Variants in NAV3 observed in about 807,000 individuals in gnomAD.
The protein encoded by NAV3 is neuron navigator 3.
In NAV3, 87 loss-of-function variants were observed where a neutral mutation model predicts 244.7. The ratio of observed to expected loss-of-function variants is 0.36; its 90% CI spans 0.30 to 0.42. NAV3 has a LOEUF of 0.42. Ranked by LOEUF, NAV3 falls within the 20% of genes least tolerant of loss-of-function variation. The probability of loss-of-function intolerance (pLI) is 1.00; values close to 1 mark genes in which losing one functional copy is unlikely to be tolerated. For missense variants in NAV3, 2,663 were observed against 2,893.3 expected, an observed-to-expected ratio of 0.92 and a Z score of 1.83; for synonymous variants, 1,126 against 1,042.2, an observed-to-expected ratio of 1.08 and a Z score of -1.55.
In NAV3 at chr12:77,738,392, A is replaced by G. The variant is rs1025487986; in HGVS notation, c.72+166126A>G. On this transcript the variant is annotated intron_variant, in intron 2 of 8. Coordinates refer to the NAV3 transcript ENST00000550042. ...CAGGGTTATAGGAGACACTAGATGT[A>G]AAGCACACAGAACAATAGCAGCCAG... Among the ~76,000 whole-genome samples the G allele has an allele frequency of 4.6e-5, 7 of 152,228 alleles. No individual in the cohort carries two copies. In the South Asian group the frequency reaches 1.4e-3, roughly 32 times the overall value.
chr12:77,744,604 C>A (rs1244489312), intron 2 of NAV3, among the ~76,000 whole-genome samples: 2 of 151,838 alleles, frequency 1.3e-5, no homozygotes, highest in Non-Finnish European at 2.9e-5. Context: ...TCATGTTTTA[C>A]AAACTTCTTT....
At chr12:78,137,794 A>C (rs1162452111) in intron 19 of NAV3, among the ~76,000 whole-genome samples, 1 of 152,116 alleles carries the variant, frequency 6.6e-6, no homozygotes, top group Non-Finnish European at 1.5e-5. Flanking sequence ...CTAATTTTTT[A>C]TTATATCATT....
chr12:77,701,102 T>C (rs1303468177), intron 2 of NAV3, among the ~76,000 whole-genome samples: 2 of 151,940 alleles, frequency 1.3e-5, no homozygotes, highest in Non-Finnish European at 2.9e-5. Context: ...CCTGCTTCTC[T>C]GTTTCTAAAA....
chr12:77,928,498 C>T (rs1250105472), intron 1 of NAV3, among the ~76,000 whole-genome samples: 27 of 152,084 alleles, frequency 1.8e-4, no homozygotes, highest in Admixed American at 1.8e-3. Flanking sequence ...CCCCCTCCCT[C>T]CCTTCCTCAT....
chr12:77,742,942 C>A (rs926707981), intron 2 of NAV3, among the ~76,000 whole-genome samples: 1 of 151,888 alleles, frequency 6.6e-6, no homozygotes, highest in African/African-American at 2.4e-5. Flanking sequence ...ATACTGTAAA[C>A]CTGAATAATA....
chr12:78,103,808 C>T (rs1000280528), intron 12 of NAV3, among the ~76,000 whole-genome samples: 5 of 152,142 alleles, frequency 3.3e-5, no homozygotes, highest in Admixed American at 3.3e-4. Flanking sequence ...GTGATACCAC[C>T]CCCATGATTC....
At chr12:77,925,858 T>G (rs1048036693) in intron 1 of NAV3, among the ~76,000 whole-genome samples, 6 of 152,134 alleles carry the variant, frequency 3.9e-5, no homozygotes, top group Non-Finnish European at 8.8e-5. Context: ...CTCACCAATA[T>G]GTTTTGCTAT....
chr12:78,076,433 C>A (rs17223304), intron 12 of NAV3, among the ~76,000 whole-genome samples: 14,420 of 152,122 alleles, frequency 0.095, 880 homozygotes, highest in South Asian at 0.2. Context: ...TCTGTCTTTT[C>A]CAGAAACCTA....
chr12:78,056,758 G>A (rs1883574338), intron 11 of NAV3, among the ~76,000 whole-genome samples: 1 of 152,058 alleles, frequency 6.6e-6, no homozygotes, highest in Non-Finnish European at 1.5e-5. Flanking sequence ...TACGAGTCAT[G>A]AAAAAGTTGA....
chr12:78,200,736 G>T, intron 38 of NAV3, 145 bp downstream of exon 38: 1 of 420,872 alleles, frequency 2.4e-6, no homozygotes, highest in Non-Finnish European at 4.1e-6. Flanking sequence ...GTTTTCAAGA[G>T]CAAATAGTTT....
Position 77,986,654 on chromosome 12 carries a change from C to A in NAV3, c.672-8149C>A, listed in dbSNP as rs1051541258. Among the ~76,000 whole-genome samples, 6 of 152,158 alleles carry A rather than the reference C, an allele frequency of 3.9e-5. No homozygotes were observed. The East Asian group carries it at 1.2e-3, about 29-fold the overall frequency. On this transcript the variant is annotated intron_variant, in intron 5 of 39. Coordinates refer to ENST00000397909, the MANE Select transcript of NAV3 (RefSeq NM_001024383.2). ...GGTCATATATACATATATATGACCACATTTTGCATGGAAGTCTGCTGTTAA... is the reference window on the plus strand; with the variant it reads ...GGTCATATATACATATATATGACCAAATTTTGCATGGAAGTCTGCTGTTAA...
In NAV3 at chr12:77,782,917, T is replaced by C. The variant is rs143396139; in HGVS notation, c.73-157402T>C. 7.7e-4 allele frequency among the ~76,000 whole-genome samples: 117 copies of C among 152,286 alleles called. 1 individual carries two copies. Among genetic ancestry groups the C allele is most frequent in the African/African-American group, 2.7e-3 (113 of 41,574 alleles). On this transcript the variant is annotated intron_variant, in intron 2 of 8. Coordinates refer to the NAV3 transcript ENST00000550042. ...CCTCTTAGTGTGAAAATTGAACATA[T>C]GCTGATGCAATGTCACAGGCTGTGT...
In NAV3 at chr12:78,210,523, G is replaced by C. The variant is rs769850519; in HGVS notation, c.*6G>C. On this transcript the variant is annotated 3_prime_UTR_variant, in exon 40 of 40. Transcript: ENST00000397909. ...CTCTTGAATCTACCCTCTAGAGGGT[G>C]AAAAAAGTTAAGGGAAAAGACTTTG... 3.7e-6 allele frequency: 6 copies of C among 1,606,256 alleles called. No individual in the cohort carries two copies. The highest frequency in any genetic ancestry group is 5.1e-6 in the Non-Finnish European group (6 of 1,177,628).
At position 77,843,435 on chromosome 12, in the gene NAV3, T is replaced by C. The variant is rs996052140; in HGVS notation, c.243+11731T>C. The stretch of plus-strand genomic sequence containing the variant: ...TGTGTGTGTGTTTGTGTGTGTATCT[T>C]ATAGGCATTATAGAAAATATACTTA... On this transcript the variant is annotated intron_variant, in intron 1 of 39. Coordinates refer to ENST00000397909, the MANE Select transcript of NAV3 (RefSeq NM_001024383.2). Among the ~76,000 whole-genome samples, 12 of 151,868 alleles carry C rather than the reference T, an allele frequency of 7.9e-5. 1 individual carries two copies. The highest frequency in any genetic ancestry group is 2.9e-4 in the African/African-American group (12 of 41,360).
chr12:78,106,258 C>T (rs1393226033), intron 12 of NAV3, among the ~76,000 whole-genome samples: 2 of 151,910 alleles, frequency 1.3e-5, no homozygotes, highest in Non-Finnish European at 2.9e-5. Context: ...ATTCAAAATT[C>T]CATTTTATTT....
At position 78,006,838 on chromosome 12, in the gene NAV3, G is replaced by A. The variant is rs2136573115; in HGVS notation, c.1300G>A (p.Gly434Ser). Residue 434 changes from glycine (G) to serine (S), a missense_variant, in exon 8 of 40, where the codon GGC (glycine) becomes AGC (serine). By Grantham distance (56) the Gly-to-Ser change is moderately conservative. Around this residue, in one of 6 missense-constraint regions of NAV3, gnomAD observed 1,521 missense variants for 1,497.0 expected, o/e 1.02. Transcript: ENST00000397909. ...TTTTAACAGTGGTCTGAATAGTGGT[G>A]GCTCAACAAATAGCAGTCCCAAAGT... The part of the protein sequence containing the change: ...EGFNSGLNSG[G>S]STNSSPKVSP... 1 of 1,614,078 alleles carries A rather than the reference G, an allele frequency of 6.2e-7. No homozygotes were observed. The highest frequency in any genetic ancestry group is 8.5e-7 in the Non-Finnish European group (1 of 1,180,038).
chr12:78,154,281 A>ATAAT (rs1302516722), intron 22 of NAV3, among the ~76,000 whole-genome samples: 1 of 110,538 alleles, frequency 9.0e-6, no homozygotes, highest in Non-Finnish European at 1.9e-5. Flanking sequence ...ATATTACTAT[A>ATAAT]TATACTACTA....
chr12:77,938,235 T>C (rs1195689603), intron 1 of NAV3, among the ~76,000 whole-genome samples: 2 of 152,222 alleles, frequency 1.3e-5, no homozygotes, highest in African/African-American at 4.8e-5. Context: ...CTCAATGTTT[T>C]AAATTCTAAA....
rs116706947 is a variant in NAV3, at chr12:78,107,653, T to A, written c.2637-9119T>A. Among the ~76,000 whole-genome samples, 1,375 of 151,968 alleles carry A rather than the reference T, an allele frequency of 9.0e-3. 15 individuals are homozygous for A. Among genetic ancestry groups the A allele is most frequent in the African/African-American group, 0.032 (1,314 of 41,454 alleles). ...TTAAATACTATAGCCCACAAAATTA[T>A]CCTTCATAAATGAAGGAGAAATAAA... On this transcript the variant is annotated intron_variant, in intron 12 of 39. Transcript: ENST00000397909.
Sources: gnomAD v4.1 joint callset for allele counts (sites outside exome capture counted in the v4.1 genomes callset) on GRCh38, gnomAD v4.1.1 for gene constraint, gnomAD v4.1.1 regional missense constraint, MANE v1.5 for transcripts, NCBI Gene and HGNC (gene_info 2026-07-23, HGNC 2026-07-21) for gene names.